Variants in ULK4 observed in about 807,000 individuals in gnomAD.
The protein encoded by ULK4 is unc-51 like kinase 4.
In ULK4, 133 loss-of-function variants were observed where a neutral mutation model predicts 160.6. The ratio of observed to expected loss-of-function variants is 0.83; its 90% CI spans 0.72 to 0.96. The LOEUF (loss-of-function observed/expected upper bound fraction) is 0.96. ULK4 is among the 40% of genes least tolerant of loss of function. ULK4 has a pLI of 0.00. For synonymous variants in ULK4, 534 were observed against 539.8 expected (o/e 0.99, Z 0.15); for missense variants, 1,580 against 1,499.5 (o/e 1.05, Z -0.89).
chr3:41,495,952 C>T (rs1391823355), intron 32 of ULK4, among the ~76,000 whole-genome samples: 1 of 151,876 alleles, frequency 6.6e-6, no homozygotes, highest in African/African-American at 2.4e-5. Context: ...TAATATAACA[C>T]AAAAGCCAGA....
intron 35 of ULK4, among the ~76,000 whole-genome samples, chr3:41,394,647 G>A (rs913356979): frequency 1.3e-5 from 2 of 152,236 alleles, no homozygotes; most frequent in South Asian, 4.1e-4. Context: ...CATCAGTTTT[G>A]CACCAGTGCA....
intron 18 of ULK4, among the ~76,000 whole-genome samples, chr3:41,825,506 G>A (rs1174862261): frequency 5.3e-5 from 8 of 152,212 alleles, no homozygotes; most frequent in South Asian, 4.1e-4. Context: ...CAAGAACTAC[G>A]TGACAAAGGC....
At chr3:41,892,218 G>C (rs1009514517) in intron 16 of ULK4, among the ~76,000 whole-genome samples, 1 of 152,116 alleles carries the variant, frequency 6.6e-6, no homozygotes, top group African/African-American at 2.4e-5. Flanking sequence ...ATAAAACTCA[G>C]TTCAAAAATT....
chr3:41,590,651 C>CAA (rs939127525), intron 31 of ULK4, among the ~76,000 whole-genome samples: 38 of 150,288 alleles, frequency 2.5e-4, no homozygotes, highest in African/African-American at 9.0e-4. Flanking sequence ...AACAAACAAA[C>CAA]AAAAAAACAA....
intron 32 of ULK4, among the ~76,000 whole-genome samples, chr3:41,505,709 T>C (rs1448854530): frequency 1.3e-5 from 2 of 152,146 alleles, no homozygotes; most frequent in African/African-American, 4.8e-5. Context: ...TTTTAATAGT[T>C]CATTGATTCT....
Position 41,690,707 on chromosome 3 carries a change from C to A in ULK4, c.2782-8903G>T, listed in dbSNP as rs756715121. On this transcript the variant is annotated intron_variant, in intron 27 of 36. Transcript: ENST00000301831. ...GGTTCTACGCCACTCCCCAGTCCTACCTACAAAAGAAAGAGAAGCTCAATA... is the reference window on the plus strand; with the variant it reads ...GGTTCTACGCCACTCCCCAGTCCTAACTACAAAAGAAAGAGAAGCTCAATA... Among the ~76,000 whole-genome samples the A allele has an allele frequency of 4.7e-4, 71 of 151,850 alleles. 1 individual carries two copies. Among genetic ancestry groups the A allele is most frequent in the Non-Finnish European group, 2.8e-4 (19 of 67,912 alleles).
intron 34 of ULK4, among the ~76,000 whole-genome samples, chr3:41,445,732 A>T (rs1309383257): frequency 1.3e-5 from 2 of 152,228 alleles, no homozygotes; most frequent in East Asian, 3.8e-4. Context: ...TTCAAGATGG[A>T]TTAAAGACTT....
At position 41,804,392 on chromosome 3, in the gene ULK4, G is replaced by A. The variant is rs1460125847; in HGVS notation, c.1849-4099C>T. On this transcript the variant is annotated intron_variant, in intron 19 of 36. Transcript: ENST00000301831. ...AGATTCTGGATATTAGCCCTTTGTC[G>A]GATGAGTAGGTTGCAAAAATTTTCT... 3.3e-3 allele frequency among the ~76,000 whole-genome samples: 494 copies of A among 151,896 alleles called. 4 individuals are homozygous for A. The highest frequency in any genetic ancestry group is 9.4e-3 in the African/African-American group (388 of 41,384).
At chr3:41,326,451 C>CATATATATAT (rs10660377) in intron 35 of ULK4, among the ~76,000 whole-genome samples, 10 of 146,702 alleles carry the variant, frequency 6.8e-5, no homozygotes, top group African/African-American at 2.2e-4. Flanking sequence ...TGCATATATA[C>CATATATATAT]ATATATATAT....
Position 41,856,590 on chromosome 3 carries a change from CAT to C in ULK4, c.1657-20621_1657-20620del, listed in dbSNP as rs1186531966. Reference sequence around the variant, plus strand: ...ATATATATATGTGTATATATATACACATATATATATATGTGTATATATATACA... The same window carrying C: ...ATATATATATGTGTATATATATACACATATATATATGTGTATATATATACA... On this transcript the variant is annotated intron_variant, in intron 17 of 36. Transcript: ENST00000301831. Among the ~76,000 whole-genome samples, 150 of 51,922 alleles carry C rather than the reference CAT, an allele frequency of 2.9e-3. 1 individual carries two copies. Among genetic ancestry groups the C allele is most frequent in the East Asian group, 0.02 (50 of 2,522 alleles). 34.1% of individuals were successfully genotyped at this position (51,922 alleles called of 152,430 possible). A position where few individuals can be genotyped will look rare whatever the true frequency, so the allele number is the denominator to read the frequency against.
At chr3:41,448,113 A>C (rs6599155) in intron 34 of ULK4, among the ~76,000 whole-genome samples, 48,954 of 152,076 alleles carry the variant, frequency 0.32, 8,164 homozygotes, top group African/African-American at 0.39. Flanking sequence ...AACAGGCCCC[A>C]AAGTGAAGCA....
chr3:41,368,704 G>C (rs2125780344), intron 35 of ULK4, among the ~76,000 whole-genome samples: 1 of 152,208 alleles, frequency 6.6e-6, no homozygotes, highest in Admixed American at 6.5e-5. Flanking sequence ...CCATGTTGTA[G>C]CATGTATCAG....
chr3:41,415,629 C>T (rs770669076), intron 34 of ULK4, among the ~76,000 whole-genome samples: 2 of 152,118 alleles, frequency 1.3e-5, no homozygotes, highest in African/African-American at 2.4e-5. Context: ...TCAAAGGTCA[C>T]CTCCTAAGAG....
At chr3:41,514,969 T>C (rs1418665848) in intron 32 of ULK4, among the ~76,000 whole-genome samples, 3 of 152,134 alleles carry the variant, frequency 2.0e-5, no homozygotes, top group Non-Finnish European at 4.4e-5. Flanking sequence ...AGAACAGATA[T>C]GCTGGCTGTG....
intron 34 of ULK4, among the ~76,000 whole-genome samples, chr3:41,426,789 C>T (rs2082785721): frequency 6.6e-6 from 1 of 151,968 alleles, no homozygotes; most frequent in Admixed American, 6.6e-5. Flanking sequence ...AAATTTACAG[C>T]ACTAAATGCC....
intron 17 of ULK4, among the ~76,000 whole-genome samples, chr3:41,843,036 G>A (rs2041974202): frequency 6.6e-6 from 1 of 152,072 alleles, no homozygotes; most frequent in African/African-American, 2.4e-5. Context: ...ACTCAAAATG[G>A]ATCACAGACT....
intron 17 of ULK4, chr3:41,859,429 A>T (rs2042445338): frequency 3.6e-6 from 2 of 559,206 alleles, no homozygotes; most frequent in South Asian, 2.8e-5. Flanking sequence ...TTGGGCCAGA[A>T]TTGAAATCAG....
chr3:41,837,430 G>A (rs2041791356), intron 17 of ULK4, among the ~76,000 whole-genome samples: 1 of 151,898 alleles, frequency 6.6e-6, no homozygotes, highest in Middle Eastern at 3.2e-3. Flanking sequence ...TTTACTTTCT[G>A]TCATTAGCAT....
chr3:41,249,505 G>A lies in ULK4; in HGVS notation c.3748C>T (p.Leu1250=), dbSNP rs905817402. The change falls in exon 36 of 37, where the codon CTG becomes TTG. Residue 1250 remains leucine (L), a synonymous_variant. Transcript: ENST00000301831. ...CCCACTTACCCACTCCCAGGGGCCA[G>A]CCGCTCCAGAGCCCGCAGGAGGCTG... ...AGSLLRALER[L]APGSGSFADS... The A allele has an allele frequency of 1.2e-6, 2 of 1,613,830 alleles. No homozygotes were observed. The highest frequency in any genetic ancestry group is 2.7e-5 in the African/African-American group (2 of 74,944).
Sources: allele counts gnomAD v4.1 joint callset (sites outside exome capture counted in the v4.1 genomes callset), GRCh38; gene constraint gnomAD v4.1.1; transcripts MANE v1.5; gene names NCBI Gene and HGNC (gene_info 2026-07-23, HGNC 2026-07-21).